The following CCBE1 variants were observed in gnomAD, a reference collection of about 807,000 sequenced individuals.
CCBE1 encodes collagen and calcium-binding EGF domain-containing protein 1.
In CCBE1, 37 loss-of-function variants were observed where a neutral mutation model predicts 50.0. The observed-to-expected ratio is 0.74, with a 90% CI of 0.57 to 0.97. The LOEUF is 0.97. CCBE1 is among the 50% of genes least tolerant of loss of function. The pLI is 0.00. For synonymous variants in CCBE1, 234 were observed against 203.7 expected, an observed-to-expected ratio of 1.15 and a Z score of -1.27; for missense variants, 538 against 523.8, an observed-to-expected ratio of 1.03 and a Z score of -0.26.
At chr18:59,592,854 C>T (rs995371160) in intron 2 of CCBE1, among the ~76,000 whole-genome samples, 2 of 151,740 alleles carry the variant, frequency 1.3e-5, no homozygotes, top group Non-Finnish European at 2.9e-5. Flanking sequence ...TTGTAGGAAC[C>T]AATACAGGTC....
intron 2 of CCBE1, among the ~76,000 whole-genome samples, chr18:59,578,069 A>G (rs1328202935): frequency 6.6e-6 from 1 of 152,228 alleles, no homozygotes; most frequent in African/African-American, 2.4e-5. Flanking sequence ...CTATCTGACA[A>G]AGGGCTAATA....
intron 2 of CCBE1, among the ~76,000 whole-genome samples, chr18:59,492,410 C>G (rs1386777050): frequency 6.6e-6 from 1 of 152,020 alleles, no homozygotes; most frequent in Non-Finnish European, 1.5e-5. Context: ...GTAACATTTC[C>G]CAGCCTCTCA....
intron 2 of CCBE1, among the ~76,000 whole-genome samples, chr18:59,674,601 C>T (rs1357728689): frequency 2.0e-5 from 3 of 151,954 alleles, no homozygotes; most frequent in African/African-American, 7.3e-5. Context: ...ACATGTATCC[C>T]AGAACTTAAA....
intron 2 of CCBE1, among the ~76,000 whole-genome samples, chr18:59,573,740 T>C (rs2052951819): frequency 6.6e-6 from 1 of 152,130 alleles, no homozygotes; most frequent in African/African-American, 2.4e-5. Flanking sequence ...GTTATTGCTG[T>C]ACTATCATTA....
chr18:59,605,008 C>T lies in CCBE1; in HGVS notation c.212+91621G>A, dbSNP rs180697245. 1.4e-4 allele frequency among the ~76,000 whole-genome samples: 22 copies of T among 152,290 alleles called. No individual in the cohort carries two copies. In the East Asian group the frequency reaches 2.9e-3, roughly 20 times the overall value. On this transcript the variant is annotated intron_variant, in intron 2 of 10. Coordinates refer to ENST00000439986, the MANE Select transcript of CCBE1 (RefSeq NM_133459.4). ...AGTGTCCAGTCACTGCCACCTACAC[C>T]GTGTTCATCATGCCTGAAGATTAAA... is the stretch of plus-strand genomic sequence containing the variant.
intron 2 of CCBE1, among the ~76,000 whole-genome samples, chr18:59,663,787 GTGA>G (rs1334442485): frequency 1.3e-5 from 2 of 152,134 alleles, no homozygotes; most frequent in African/African-American, 4.8e-5. Context: ...TGAGGCAGAA[GTGA>G]TGGGATTTGG....
chr18:59,583,049 G>A (rs559118591), intron 2 of CCBE1, among the ~76,000 whole-genome samples: 1 of 152,130 alleles, frequency 6.6e-6, no homozygotes. Flanking sequence ...GAACTCCTGG[G>A]CTTAAGTGAT....
At chr18:59,675,350 T>C (rs185237040) in intron 2 of CCBE1, among the ~76,000 whole-genome samples, 9 of 152,304 alleles carry the variant, frequency 5.9e-5, no homozygotes, top group Non-Finnish European at 1.2e-4. Flanking sequence ...ATTGGTATGA[T>C]TGGTATGGTC....
chr18:59,617,929 C>T (rs1464014699), intron 2 of CCBE1, among the ~76,000 whole-genome samples: 2 of 152,144 alleles, frequency 1.3e-5, no homozygotes, highest in Non-Finnish European at 2.9e-5. Context: ...CAGAATTAAT[C>T]AGAAATTCCA....
chr18:59,581,660 C>T (rs2053085720), intron 2 of CCBE1, among the ~76,000 whole-genome samples: 1 of 152,140 alleles, frequency 6.6e-6, no homozygotes, highest in South Asian at 2.1e-4. Context: ...TCCAAATACA[C>T]CAACCACTAC....
chr18:59,463,287 CAGCAATCGTAGCTCACT>C (rs1232230910), intron 5 of CCBE1, among the ~76,000 whole-genome samples: 1 of 152,176 alleles, frequency 6.6e-6, no homozygotes, highest in Non-Finnish European at 1.5e-5. Flanking sequence ...CTCTGACCCA[CAGCAATCGTAGCTCACT>C]GCAGCCTAGA....
Position 59,599,902 on chromosome 18 carries a change from G to T in CCBE1, c.212+96727C>A, listed in dbSNP as rs79324334. 2.2e-3 allele frequency among the ~76,000 whole-genome samples: 335 copies of T among 152,038 alleles called. 6 individuals carry two copies. In the East Asian group the frequency reaches 0.032, roughly 15 times the overall value. On this transcript the variant is annotated intron_variant, in intron 2 of 10. Transcript: ENST00000439986. ...AAATATTCCATGACTTTGGACTAAT[G>T]GTTTAAAAAAAGACATTGTCACCCC...
chr18:59,529,703 G>A (rs1914973597), intron 2 of CCBE1, among the ~76,000 whole-genome samples: 1 of 151,986 alleles, frequency 6.6e-6, no homozygotes, highest in African/African-American at 2.4e-5. Context: ...CCCAGTGAGA[G>A]AACCTGGTAC....
chr18:59,616,215 G>C (rs1444629275), intron 2 of CCBE1, among the ~76,000 whole-genome samples: 4 of 152,080 alleles, frequency 2.6e-5, no homozygotes, highest in Admixed American at 6.5e-5. Flanking sequence ...TGGGCAGAGT[G>C]GGGGAGAGAG....
chr18:59,592,932 C>A (rs2053294698), intron 2 of CCBE1, among the ~76,000 whole-genome samples: 1 of 151,782 alleles, frequency 6.6e-6, no homozygotes, highest in African/African-American at 2.4e-5. Flanking sequence ...AGGAAGGAAA[C>A]CTGCAGATTA....
rs571318381 is a variant in CCBE1, at chr18:59,667,613, C to T, written c.212+29016G>A. ...AAGCACGCAGCCAATACCAACCCAC[C>T]GCTCTGGAGAAAGTTGAGGAGGAAA... On this transcript the variant is annotated intron_variant, in intron 2 of 10. Coordinates refer to ENST00000439986, the MANE Select transcript of CCBE1 (RefSeq NM_133459.4). Among the ~76,000 whole-genome samples, 12 of 152,306 alleles carry T rather than the reference C, an allele frequency of 7.9e-5. 1 individual carries two copies. In the South Asian group the frequency reaches 1.7e-3, roughly 21 times the overall value.
intron 2 of CCBE1, among the ~76,000 whole-genome samples, chr18:59,497,683 C>G (rs943812810): frequency 3.3e-5 from 5 of 152,184 alleles, no homozygotes; most frequent in African/African-American, 1.2e-4. Flanking sequence ...CCTCCAACCA[C>G]CCAGGTACCC....
intron 2 of CCBE1, chr18:59,568,447 AC>A (rs2052861558): frequency 6.6e-6 from 1 of 152,178 alleles, no homozygotes; most frequent in Admixed American, 6.5e-5. Context: ...ACTTCTGAGC[AC>A]CTTTTTCTAT....
intron 2 of CCBE1, among the ~76,000 whole-genome samples, chr18:59,568,828 C>T (rs2144478750): frequency 6.6e-6 from 1 of 152,336 alleles, no homozygotes; most frequent in East Asian, 1.9e-4. Context: ...ATGCTTACTA[C>T]TGTGGTAGGC....
Sources: allele counts gnomAD v4.1 joint callset (sites outside exome capture counted in the v4.1 genomes callset), GRCh38; gene constraint gnomAD v4.1.1; transcripts MANE v1.5; gene names NCBI Gene and HGNC (gene_info 2026-07-23, HGNC 2026-07-21).